IPCEF1: variants seen among roughly 807,000 people sequenced by gnomAD.
The protein encoded by IPCEF1 is interaction protein for cytohesin exchange factors 1, also known as interactor protein for cytohesin exchange factors 1.
Under a neutral mutation model 50.9 loss-of-function variants are expected in IPCEF1, and 31 were observed. The ratio of observed to expected loss-of-function variants is 0.61; its 90% CI spans 0.46 to 0.82. IPCEF1 has a LOEUF of 0.82. IPCEF1 is among the 40% of genes least tolerant of loss of function. The pLI, the probability that IPCEF1 is intolerant of heterozygous loss-of-function variation, is 0.00. For missense variants in IPCEF1, 458 were observed against 514.0 expected (o/e 0.89, Z 1.05); for synonymous variants, 181 against 192.0 (o/e 0.94, Z 0.47).
chr6:154,212,093 A>C lies in IPCEF1; in HGVS notation c.537+677T>G, dbSNP rs564324007. On this transcript the variant is annotated intron_variant, in intron 9 of 11. Coordinates refer to ENST00000367220, the MANE Select transcript of IPCEF1 (RefSeq NM_001130700.2). ...AAAGCACCTACATACATCCTAGTAC[A>C]TGGTAGGTATAAAACCAAAAATCAC... is the stretch of plus-strand genomic sequence containing the variant. Among the ~76,000 whole-genome samples, 20 of 152,330 alleles carry C rather than the reference A, an allele frequency of 1.3e-4. 1 individual carries two copies. In the South Asian group the frequency reaches 3.7e-3, roughly 28 times the overall value.
At chr6:154,309,759 TC>T (rs1488713853) in intron 1 of IPCEF1, among the ~76,000 whole-genome samples, 4 of 146,036 alleles carry the variant, frequency 2.7e-5, no homozygotes, top group African/African-American at 1.1e-4. Context: ...ACTCTGCTTT[TC>T]TTTTCTTGTT....
rs2128554019 is a variant in IPCEF1, at chr6:154,168,185, G to A, written c.911-72C>T. 2 of 1,163,660 alleles carry A rather than the reference G, an allele frequency of 1.7e-6. No individual in the cohort carries two copies. Among genetic ancestry groups the A allele is most frequent in the Non-Finnish European group, 2.4e-6 (2 of 835,544 alleles). 72.1% of individuals were successfully genotyped at this position (1,163,660 alleles called of 1,614,324 possible). On this transcript the variant is annotated intron_variant, in intron 10 of 11. Transcript: ENST00000367220. The surrounding 1 kb of genome is among the most constrained non-coding windows in gnomAD (Gnocchi z 4.1). ...AATCAAGGAGAGAACATTCAATACT[G>A]TGGTCCCAAGGCACGGCCCCACTGG...
At chr6:154,180,452 C>T (rs1800769255) in intron 10 of IPCEF1, among the ~76,000 whole-genome samples, 1 of 146,668 alleles carries the variant, frequency 6.8e-6, no homozygotes, top group Admixed American at 7.0e-5. Context: ...GTGACATTAG[C>T]AAATGAGACA....
At position 154,233,368 on chromosome 6, in the gene IPCEF1, T is replaced by C. The variant is rs557293452; in HGVS notation, c.247-10125A>G. Among the ~76,000 whole-genome samples the C allele has an allele frequency of 4.6e-5, 7 of 152,352 alleles. No individual in the cohort carries two copies. In the South Asian group the frequency reaches 1.5e-3, roughly 32 times the overall value. ...ACATTTTAGTTTATTTGGAGAATAA[T>C]AATACTAGTAAACTTACCATATTCT... On this transcript the variant is annotated intron_variant, in intron 5 of 11. Transcript: ENST00000367220.
intron 11 of IPCEF1, among the ~76,000 whole-genome samples, chr6:154,167,265 A>G (rs2128553338): frequency 6.6e-6 from 1 of 152,368 alleles, no homozygotes; most frequent in South Asian, 2.1e-4. Context: ...CACTTTTGTT[A>G]TGAAGAACCA....
At chr6:154,303,165 C>T (rs1782843038) in intron 1 of IPCEF1, among the ~76,000 whole-genome samples, 1 of 147,846 alleles carries the variant, frequency 6.8e-6, no homozygotes, top group Non-Finnish European at 1.5e-5. Flanking sequence ...AATCTCAGCT[C>T]ACTGCAACCT....
intron 11 of IPCEF1, among the ~76,000 whole-genome samples, chr6:154,165,606 A>G (rs1262836830): frequency 6.6e-6 from 1 of 152,250 alleles, no homozygotes; most frequent in Non-Finnish European, 1.5e-5. Context: ...ATGTCCAGAA[A>G]GAGCAGTTCC....
chr6:154,184,474 AC>A (rs145300811), intron 10 of IPCEF1, among the ~76,000 whole-genome samples: 52,533 of 151,796 alleles, frequency 0.35, 9,448 homozygotes, highest in Middle Eastern at 0.47. Flanking sequence ...GATATCTGTC[AC>A]CTAATTCTAT....
chr6:154,216,867 C>CA (rs766319987), intron 7 of IPCEF1: 3 of 151,846 alleles, frequency 2.0e-5, no homozygotes, highest in Admixed American at 6.6e-5. Flanking sequence ...GACTCTGTCT[C>CA]AAAAAAAACA....
Position 154,263,259 on chromosome 6 carries a change from T to A in IPCEF1, c.36+2653A>T, listed in dbSNP as rs926000046. On this transcript the variant is annotated intron_variant, in intron 3 of 11. Transcript: ENST00000367220. ...TTTTTTTAAATTTATTTATTTATTT[T>A]TTTTAATTGATCATTCTTGGGTGTT... 9.2e-5 allele frequency among the ~76,000 whole-genome samples: 14 copies of A among 151,764 alleles called. No individual in the cohort carries two copies. In the East Asian group the frequency reaches 1.7e-3, roughly 19 times the overall value.
intron 2 of IPCEF1, among the ~76,000 whole-genome samples, chr6:154,280,840 C>A (rs1364025331): frequency 6.6e-6 from 1 of 152,136 alleles, no homozygotes; most frequent in East Asian, 1.9e-4. Context: ...AATCATCTAG[C>A]TATTCCATTT....
chr6:154,247,931 T>C (rs1392183507), intron 3 of IPCEF1, among the ~76,000 whole-genome samples: 1 of 152,192 alleles, frequency 6.6e-6, no homozygotes, highest in East Asian at 1.9e-4. Flanking sequence ...CTCAAAATAT[T>C]AGAGTCACTT....
chr6:154,250,814 G>T (rs1392916361), intron 3 of IPCEF1, among the ~76,000 whole-genome samples: 1 of 152,248 alleles, frequency 6.6e-6, no homozygotes, highest in Non-Finnish European at 1.5e-5. Flanking sequence ...ACAGTGATAT[G>T]CTGGTAAAAT....
intron 1 of IPCEF1, among the ~76,000 whole-genome samples, chr6:154,318,608 T>G (rs1008108119): frequency 1.3e-5 from 2 of 151,644 alleles, no homozygotes; most frequent in Admixed American, 6.6e-5. Context: ...TCTCAGCACT[T>G]TGGGAGGCCA....
intron 7 of IPCEF1, among the ~76,000 whole-genome samples, chr6:154,217,935 G>A (rs1375186771): frequency 6.6e-6 from 1 of 152,170 alleles, no homozygotes; most frequent in African/African-American, 2.4e-5. Context: ...TGACAATAAA[G>A]AAAATATTTC....
chr6:154,213,949 C>T lies in IPCEF1; in HGVS notation c.451+269G>A, dbSNP rs532888625. On this transcript the variant is annotated intron_variant, in intron 8 of 11. Coordinates refer to ENST00000367220, the MANE Select transcript of IPCEF1 (RefSeq NM_001130700.2). ...AAGTGGAGCAATTAAACATTTGCAT[C>T]GGTGACTGTTTGAGATGTCATGAAG... is the stretch of plus-strand genomic sequence containing the variant. Among the ~76,000 whole-genome samples, 4 of 152,268 alleles carry T rather than the reference C, an allele frequency of 2.6e-5. No individual in the cohort carries two copies. In the South Asian group the frequency reaches 8.3e-4, roughly 32 times the overall value.
chr6:154,302,930 C>T (rs914558457), intron 1 of IPCEF1, among the ~76,000 whole-genome samples: 4 of 152,068 alleles, frequency 2.6e-5, no homozygotes, highest in African/African-American at 9.7e-5. Flanking sequence ...TCCCACCTTC[C>T]TTTATTTTGT....
At chr6:154,254,392 TG>T (rs1781410191) in intron 3 of IPCEF1, among the ~76,000 whole-genome samples, 1 of 152,150 alleles carries the variant, frequency 6.6e-6, no homozygotes, top group Non-Finnish European at 1.5e-5. Flanking sequence ...ACGTCTTACA[TG>T]GCAGCAGGAG....
intron 4 of IPCEF1, 174 bp from the exon 5 acceptor site, chr6:154,246,934 G>T: frequency 6.1e-5 from 9 of 148,184 alleles, no homozygotes; most frequent in South Asian, 3.8e-4. Flanking sequence ...CAAAACCAAT[G>T]CAAAAAAAAA....
Sources: allele counts gnomAD v4.1 joint callset (sites outside exome capture counted in the v4.1 genomes callset), GRCh38; gene constraint gnomAD v4.1.1; non-coding constraint Gnocchi (gnomAD v3.1); transcripts MANE v1.5; gene names NCBI Gene and HGNC (gene_info 2026-07-23, HGNC 2026-07-21).